Variants in PPHLN1 observed in about 807,000 individuals in gnomAD.
PPHLN1 encodes the protein periphilin-1.
In PPHLN1, 29 loss-of-function variants were observed where a neutral mutation model predicts 51.3. That is an observed-to-expected ratio of 0.57 (90% CI 0.42 to 0.77). The LOEUF is 0.77. Ranked by LOEUF, PPHLN1 falls within the 30% of genes least tolerant of loss-of-function variation. The pLI is 0.00. For synonymous variants in PPHLN1, 147 were observed against 147.8 expected, an observed-to-expected ratio of 0.99 and a Z score of 0.04; for missense variants, 436 against 438.4, an observed-to-expected ratio of 0.99 and a Z score of 0.05.
chr12:42,440,976 A>G (rs2082898550), intron 9 of PPHLN1, among the ~76,000 whole-genome samples: 2 of 152,262 alleles, frequency 1.3e-5, no homozygotes, highest in Admixed American at 1.3e-4. Flanking sequence ...GAACAAAGTC[A>G]TTGATATGTC....
At chr12:42,392,451 G>T (rs552869178) in intron 7 of PPHLN1, among the ~76,000 whole-genome samples, 2 of 152,252 alleles carry the variant, frequency 1.3e-5, no homozygotes, top group African/African-American at 4.8e-5. Context: ...TCCACAAGAG[G>T]TATATTTGGA....
rs752302155 is a variant in PPHLN1 at position 42,351,956 on chromosome 12, C to T, written c.144C>T (p.Ser48=). The part of the protein sequence containing the change: ...PPLLDRPGEG[S]YNRYYSHVDY... ...TGCTAGACAGACCTGGTGAAGGAAG[C>T]TACAATAGATATTACAGTCATGTTG... Residue 48 remains serine, a synonymous_variant, in exon 3 of 10, where the codon AGC becomes AGT. Transcript: ENST00000358314. 47 of 1,584,864 alleles carry T rather than the reference C, an allele frequency of 3.0e-5. No individual in the cohort carries two copies. Among genetic ancestry groups the T allele is most frequent in the Non-Finnish European group, 3.9e-5 (46 of 1,169,738 alleles).
chr12:42,446,501 A>G, downstream of PPHLN1: 1 of 1,498,430 alleles, frequency 6.7e-7, no homozygotes. Flanking sequence ...TCTCTCCTAG[A>G]AAGACCCCCA....
chr12:42,371,673 C>T (rs1342135538), intron 4 of PPHLN1, among the ~76,000 whole-genome samples: 1 of 152,152 alleles, frequency 6.6e-6, no homozygotes, highest in African/African-American at 2.4e-5. Context: ...CTTTTGAGCA[C>T]TTGAAATATC....
Position 42,412,740 on chromosome 12 carries a change from C to T in PPHLN1, c.909+13746C>T, listed in dbSNP as rs138676458. Among the ~76,000 whole-genome samples the T allele has an allele frequency of 4.0e-4, 61 of 152,306 alleles. 1 individual carries two copies. In the East Asian group the frequency reaches 0.011, roughly 28 times the overall value. On this transcript the variant is annotated intron_variant, in intron 9 of 9. Transcript: ENST00000358314. The stretch of plus-strand genomic sequence containing the variant: ...AGGTTGTAGTAATTTACATTCCCAC[C>T]AGCTGAGTAAAAGTATTCCCTTTTC...
intron 6 of PPHLN1, among the ~76,000 whole-genome samples, chr12:42,385,517 G>A (rs1477376902): frequency 6.6e-6 from 1 of 152,166 alleles, no homozygotes; most frequent in Non-Finnish European, 1.5e-5. Context: ...TATACTTCGG[G>A]ATGATATGTT....
At chr12:42,376,497 C>T (rs2076275378) in intron 5 of PPHLN1, among the ~76,000 whole-genome samples, 1 of 152,116 alleles carries the variant, frequency 6.6e-6, no homozygotes, top group Non-Finnish European at 1.5e-5. Context: ...GGATTTAAAA[C>T]AAACACAGGC....
intron 3 of PPHLN1, 110 bp downstream of exon 3, chr12:42,352,159 C>T (rs979199338): frequency 2.1e-6 from 2 of 966,984 alleles, no homozygotes; most frequent in East Asian, 3.2e-5. Flanking sequence ...ACACTTTCTG[C>T]TTGATGCTCT....
rs550379826 is a variant in PPHLN1, at chr12:42,375,651, C to T, written c.511+577C>T. Among the ~76,000 whole-genome samples, 3 of 152,088 alleles carry T rather than the reference C, an allele frequency of 2.0e-5. No homozygotes were observed. In the South Asian group the frequency reaches 6.2e-4, roughly 32 times the overall value. Reference sequence around the variant, plus strand: ...GAGTGAAAACCTCTCTTACTCTTTTCCAACCCCCAATTTTATTTTATTTTT... The same window carrying T: ...GAGTGAAAACCTCTCTTACTCTTTTTCAACCCCCAATTTTATTTTATTTTT... On this transcript the variant is annotated intron_variant, in intron 5 of 9. Transcript: ENST00000358314.
At position 42,375,166 on chromosome 12, in the gene PPHLN1, T is replaced by G. The variant is rs1565869665; in HGVS notation, c.511+92T>G. 5 of 1,021,418 alleles carry G rather than the reference T, an allele frequency of 4.9e-6. No individual in the cohort carries two copies. The Admixed American group carries it at 1.3e-4, about 26-fold the overall frequency. 63.3% of individuals were successfully genotyped at this position (1,021,418 alleles called of 1,614,324 possible). Reference sequence around the variant, plus strand: ...TTTCCTTCTAGGTGTAAGAGATTTATTTTTTAAACTTTTTATTTTGAAAAA... The same window carrying G: ...TTTCCTTCTAGGTGTAAGAGATTTAGTTTTTAAACTTTTTATTTTGAAAAA... On this transcript the variant is annotated intron_variant, in intron 5 of 9. Transcript: ENST00000358314.
downstream of PPHLN1, chr12:42,442,667 G>GT: frequency 6.2e-7 from 1 of 1,614,086 alleles, no homozygotes; most frequent in Non-Finnish European, 8.5e-7. Context: ...TTGGCAGCAG[G>GT]TACCCCCTGT....
chr12:42,432,378 A>G, intron 9 of PPHLN1: 2 of 749,002 alleles, frequency 2.7e-6, no homozygotes, highest in Non-Finnish European at 5.0e-6. Context: ...GCAATATGGT[A>G]CTCTAAAAGA....
chr12:42,402,143 C>G (rs2078901819), intron 9 of PPHLN1, among the ~76,000 whole-genome samples: 1 of 152,154 alleles, frequency 6.6e-6, no homozygotes, highest in Admixed American at 6.5e-5. Flanking sequence ...CCGGCCCATT[C>G]TGAGGTTCTT....
At chr12:42,340,614 C>T (rs763443632) in intron 2 of PPHLN1, among the ~76,000 whole-genome samples, 15 of 152,146 alleles carry the variant, frequency 9.9e-5, no homozygotes, top group Non-Finnish European at 1.9e-4. Flanking sequence ...ATGTAACATT[C>T]CAAAACAAGT....
intron 1 of PPHLN1, among the ~76,000 whole-genome samples, chr12:42,334,350 C>T (rs985791022): frequency 1.3e-5 from 2 of 152,090 alleles, no homozygotes; most frequent in East Asian, 3.9e-4. Context: ...ATTTCCTAGG[C>T]ATCTTTGGCT....
At chr12:42,363,595 A>G (rs903869004) in intron 4 of PPHLN1, among the ~76,000 whole-genome samples, 4 of 151,800 alleles carry the variant, frequency 2.6e-5, no homozygotes, top group African/African-American at 9.7e-5. Context: ...AGCTAATGGA[A>G]GAAAAGAGAA....
intron 2 of PPHLN1, among the ~76,000 whole-genome samples, chr12:42,341,078 T>G (rs949530174): frequency 6.6e-6 from 1 of 151,660 alleles, no homozygotes; most frequent in East Asian, 1.9e-4. Context: ...CCTCCCAGGT[T>G]CAAGCGATTC....
chr12:42,337,079 AT>A (rs1275728925), intron 2 of PPHLN1, among the ~76,000 whole-genome samples: 1 of 152,092 alleles, frequency 6.6e-6, no homozygotes, highest in African/African-American at 2.4e-5. Flanking sequence ...TTCCAGGTGA[AT>A]TTGTAGACTT....
At chr12:42,421,534 G>A (rs572305314) in intron 9 of PPHLN1, among the ~76,000 whole-genome samples, 2 of 152,150 alleles carry the variant, frequency 1.3e-5, no homozygotes, top group Non-Finnish European at 2.9e-5. Flanking sequence ...TTTTAGTAGC[G>A]ATGGGGTTTC....
Sources: allele counts gnomAD v4.1 joint callset (sites outside exome capture counted in the v4.1 genomes callset), GRCh38; gene constraint gnomAD v4.1.1; transcripts MANE v1.5; gene names NCBI Gene and HGNC (gene_info 2026-07-23, HGNC 2026-07-21).